The following LRRC75A variants were observed in gnomAD, a reference collection of about 807,000 sequenced individuals.
The protein encoded by LRRC75A is leucine rich repeat containing 75A.
In LRRC75A, 12 loss-of-function variants were observed where a neutral mutation model predicts 26.0. The ratio of observed to expected loss-of-function variants is 0.46; its 90% CI spans 0.30 to 0.75. The LOEUF (loss-of-function observed/expected upper bound fraction) is 0.75. Among genes scored for constraint, LRRC75A ranks in the 30% least tolerant of loss-of-function variants. LRRC75A has a pLI of 0.08. For missense variants in LRRC75A, 410 were observed against 486.6 expected (o/e 0.84, Z 1.48); for synonymous variants, 223 against 219.3 (o/e 1.02, Z -0.15).
intron 2 of LRRC75A, among the ~76,000 whole-genome samples, chr17:16,449,878 A>C (rs1408177887): frequency 6.6e-6 from 1 of 152,144 alleles, no homozygotes; most frequent in Non-Finnish European, 1.5e-5. Flanking sequence ...TGGCCTCCCA[A>C]AGTGCTGGGA....
chr17:16,443,655 C>T lies in LRRC75A; in HGVS notation c.968G>A (p.Gly323Glu), dbSNP rs771274898. Residue 323 changes from glycine (G) to glutamate (E), a missense_variant, in exon 4 of 4, where the codon GGG (glycine) becomes GAG (glutamate). Transcript: ENST00000470794. ...GTCTTCGGCAGGTGCCACAGGGCCC[C>T]CTCCAGGGTCCTCCTGGCCTACTGT... ...EGTVGQEDPG[G>E]GPVAPAEDHH... 6.4e-7 allele frequency: 1 copy of T among 1,567,510 alleles called. No homozygotes were observed. The highest frequency in any genetic ancestry group is 8.7e-7 in the Non-Finnish European group (1 of 1,155,904).
At chr17:16,483,801 C>T (rs956187467) in intron 1 of LRRC75A, among the ~76,000 whole-genome samples, 6 of 152,176 alleles carry the variant, frequency 3.9e-5, no homozygotes, top group Non-Finnish European at 7.3e-5. Context: ...CCATCCCTCC[C>T]GGAGGAAGGG....
At chr17:16,480,556 G>A (rs984815318) in intron 1 of LRRC75A, among the ~76,000 whole-genome samples, 1 of 151,258 alleles carries the variant, frequency 6.6e-6, no homozygotes, top group Admixed American at 6.6e-5. Flanking sequence ...TTGAACCCAG[G>A]AGGTGGAGGT....
intron 1 of LRRC75A, among the ~76,000 whole-genome samples, chr17:16,481,998 G>A (rs1407268057): frequency 6.6e-6 from 1 of 152,170 alleles, no homozygotes; most frequent in Admixed American, 6.5e-5. Flanking sequence ...GGTGCGCGGT[G>A]TCTACTGGGC....
chr17:16,488,788 GCCT>G (rs1176290936), intron 1 of LRRC75A, among the ~76,000 whole-genome samples: 1 of 152,184 alleles, frequency 6.6e-6, no homozygotes, highest in Non-Finnish European at 1.5e-5. Flanking sequence ...GCTGAATGAG[GCCT>G]CCTGATACCT....
chr17:16,458,322 A>G (rs1041732515), intron 2 of LRRC75A, among the ~76,000 whole-genome samples: 1 of 152,066 alleles, frequency 6.6e-6, no homozygotes, highest in Admixed American at 6.6e-5. Context: ...AGAAAGAAAG[A>G]AAAGAAAGGA....
intron 1 of LRRC75A, among the ~76,000 whole-genome samples, chr17:16,477,072 C>A (rs1974600): frequency 0.58 from 88,218 of 151,634 alleles, 26,211 homozygotes; most frequent in East Asian, 0.87. Context: ...TAGTAGAGAC[C>A]GGGGGTTTTA....
At chr17:16,487,537 C>T (rs866815178) in intron 1 of LRRC75A, among the ~76,000 whole-genome samples, 5 of 152,288 alleles carry the variant, frequency 3.3e-5, no homozygotes, top group Admixed American at 6.5e-5. Context: ...TTCCCAAGCT[C>T]AAGCCATCCT....
chr17:16,485,704 G>A (rs535210344), intron 1 of LRRC75A, among the ~76,000 whole-genome samples: 4 of 150,878 alleles, frequency 2.7e-5, no homozygotes, highest in Non-Finnish European at 4.4e-5. Flanking sequence ...ATGCGTGGGC[G>A]CGCATGCGTG....
At chr17:16,487,358 T>C (rs970860726) in intron 1 of LRRC75A, among the ~76,000 whole-genome samples, 1 of 152,222 alleles carries the variant, frequency 6.6e-6, no homozygotes, top group African/African-American at 2.4e-5. Flanking sequence ...ATGCTCATCT[T>C]TCTGCTTCTA....
intron 1 of LRRC75A, among the ~76,000 whole-genome samples, chr17:16,480,654 A>AT (rs1206013911): frequency 6.6e-6 from 1 of 151,570 alleles, no homozygotes; most frequent in African/African-American, 2.4e-5. Context: ...AAAAAAAAAA[A>AT]ACTGGAGACC....
intron 1 of LRRC75A, among the ~76,000 whole-genome samples, chr17:16,467,660 C>A (rs1470101198): frequency 6.6e-6 from 1 of 152,228 alleles, no homozygotes; most frequent in Non-Finnish European, 1.5e-5. Flanking sequence ...GACTTTCAGT[C>A]CTGCAGATGA....
At position 16,441,896 on chromosome 17, in the gene LRRC75A, C is replaced by G. The variant is rs966703931; in HGVS notation, c.*1692G>C. 4 of 114,794 alleles carry G rather than the reference C, an allele frequency of 3.5e-5. No individual in the cohort carries two copies. Among genetic ancestry groups the G allele is most frequent in the Non-Finnish European group, 7.0e-5 (4 of 57,262 alleles). 7.1% of individuals were successfully genotyped at this position (114,794 alleles called of 1,614,324 possible). ...CTATACCTTTTAATGAATTGACTTTCATAAATTGGTTATGTTGGTGGGCAA... is the reference window on the plus strand; with the variant it reads ...CTATACCTTTTAATGAATTGACTTTGATAAATTGGTTATGTTGGTGGGCAA... On this transcript the variant is annotated 3_prime_UTR_variant, in exon 4 of 4. Coordinates refer to ENST00000470794, the MANE Select transcript of LRRC75A (RefSeq NM_001113567.3).
chr17:16,446,418 A>G (rs2093586220), intron 3 of LRRC75A, among the ~76,000 whole-genome samples: 2 of 152,202 alleles, frequency 1.3e-5, no homozygotes, highest in African/African-American at 4.8e-5. Flanking sequence ...GGACTGACAC[A>G]TGAAAAAGTA....
intron 2 of LRRC75A, among the ~76,000 whole-genome samples, chr17:16,459,037 C>T (rs1436656349): frequency 1.3e-5 from 2 of 152,232 alleles, no homozygotes; most frequent in Non-Finnish European, 2.9e-5. Context: ...CCTACTACTG[C>T]TGTCTTTGGA....
intron 2 of LRRC75A, among the ~76,000 whole-genome samples, chr17:16,452,419 C>T (rs925764633): frequency 4.0e-5 from 6 of 148,746 alleles, no homozygotes; most frequent in Admixed American, 1.3e-4. Flanking sequence ...GGGTGGGTGG[C>T]TCAGGCACAG....
chr17:16,450,818 G>A (rs1601092395), intron 2 of LRRC75A, among the ~76,000 whole-genome samples: 1 of 152,246 alleles, frequency 6.6e-6, no homozygotes, highest in East Asian at 1.9e-4. Flanking sequence ...CTATTGGAAG[G>A]GGCTGAGGGG....
At position 16,491,795 on chromosome 17, in the gene LRRC75A, G is replaced by A. The variant is rs1343290037; in HGVS notation, c.196C>T (p.Arg66Cys). The A allele has an allele frequency of 4.9e-6, 7 of 1,434,304 alleles. No homozygotes were observed. Among genetic ancestry groups the A allele is most frequent in the South Asian group, 2.7e-5 (2 of 74,442 alleles). The allele number at this position is 1,434,304 out of a possible 1,614,324, so 88.8% of individuals were successfully genotyped here. Reference protein sequence around the residue: ...GMVQELLRMVRQGRREEAGTL... With the variant: ...GMVQELLRMVCQGRREEAGTL... ...CCCGCCTCCTCCCGCCGGCCCTGGC[G>A]CACCATCCGCAGCAGCTCCTGGACC... The change falls in exon 1 of 4, where the codon CGC becomes TGC. Residue 66 changes from arginine (R) to cysteine (C), a missense_variant. Arg to Cys is a radical substitution (Grantham distance 180, BLOSUM62 -3). Transcript: ENST00000470794. The surrounding 1 kb of genome is among the most constrained non-coding windows in gnomAD (Gnocchi z 5.9).
intron 1 of LRRC75A, among the ~76,000 whole-genome samples, chr17:16,481,575 C>T (rs1221101235): frequency 6.6e-6 from 1 of 152,158 alleles, no homozygotes; most frequent in Non-Finnish European, 1.5e-5. Context: ...CACCTGGGCC[C>T]CGGCAGGTGC....
Sources: allele counts gnomAD v4.1 joint callset (sites outside exome capture counted in the v4.1 genomes callset), GRCh38; gene constraint gnomAD v4.1.1; non-coding constraint Gnocchi (gnomAD v3.1); transcripts MANE v1.5; gene names NCBI Gene and HGNC (gene_info 2026-07-23, HGNC 2026-07-21).